LRBA: variants seen among roughly 807,000 people sequenced by gnomAD.
LRBA encodes the protein lipopolysaccharide-responsive and beige-like anchor protein.
A neutral mutation model predicts 330.0 loss-of-function variants in LRBA; 176 were observed. That is an observed-to-expected ratio of 0.53 (90% CI 0.47 to 0.60). The LOEUF (loss-of-function observed/expected upper bound fraction) is 0.60, where lower values mean the gene tolerates loss of function less well. Among genes scored for constraint, LRBA ranks in the 20% least tolerant of loss-of-function variants. The pLI is 0.00. For missense variants in LRBA, 3,259 were observed against 3,444.8 expected (o/e 0.95, Z 1.35); for synonymous variants, 1,230 against 1,193.0 (o/e 1.03, Z -0.64).
chr4:150,591,501 C>T (rs777139791), intron 38 of LRBA, among the ~76,000 whole-genome samples: 1 of 152,170 alleles, frequency 6.6e-6, no homozygotes, highest in Admixed American at 6.5e-5. Flanking sequence ...CTCACTCCTC[C>T]GCCCTTTTGT....
At chr4:150,978,276 A>G (rs978391147) in intron 2 of LRBA, among the ~76,000 whole-genome samples, 20 of 152,280 alleles carry the variant, frequency 1.3e-4, no homozygotes, top group African/African-American at 4.6e-4. Context: ...GAATTCTTCC[A>G]GATCTTATCC....
chr4:150,518,474 A>C (rs963685006), intron 40 of LRBA, among the ~76,000 whole-genome samples: 1 of 152,216 alleles, frequency 6.6e-6, no homozygotes, highest in Non-Finnish European at 1.5e-5. Flanking sequence ...CTGTATGGTC[A>C]TGTAGGATGA....
chr4:150,508,886 C>T (rs987820769), intron 40 of LRBA, among the ~76,000 whole-genome samples: 2 of 152,150 alleles, frequency 1.3e-5, no homozygotes, highest in Non-Finnish European at 2.9e-5. Flanking sequence ...ATTTATAGAA[C>T]AGTCCAACCC....
chr4:150,391,522 AGACAGAAAGAT>A (rs1230276653), intron 47 of LRBA, among the ~76,000 whole-genome samples: 1 of 152,206 alleles, frequency 6.6e-6, no homozygotes, highest in Non-Finnish European at 1.5e-5. Context: ...TCTTAGGGTG[AGACAGAAAGAT>A]GACTGGAGAA....
At chr4:150,291,884 T>C (rs1028920927) in intron 53 of LRBA, among the ~76,000 whole-genome samples, 4 of 152,178 alleles carry the variant, frequency 2.6e-5, no homozygotes, top group Non-Finnish European at 5.9e-5. Flanking sequence ...CATGGAATAC[T>C]ATGCAGCCAT....
chr4:150,684,039 G>T, intron 36 of LRBA: 1 of 201,924 alleles, frequency 5.0e-6, no homozygotes, highest in South Asian at 1.5e-4. Context: ...AAGGACTTGA[G>T]ACATAGTGAA....
intron 33 of LRBA, among the ~76,000 whole-genome samples, chr4:150,803,670 G>A (rs1329008108): frequency 6.6e-6 from 1 of 152,070 alleles, no homozygotes. Flanking sequence ...CTGTTTTACA[G>A]TACATGAAAC....
chr4:150,989,626 C>T (rs1357699003), intron 2 of LRBA, among the ~76,000 whole-genome samples: 1 of 151,818 alleles, frequency 6.6e-6, no homozygotes, highest in Non-Finnish European at 1.5e-5. Context: ...AAAAAGAACT[C>T]TATGAGATAG....
intron 37 of LRBA, among the ~76,000 whole-genome samples, chr4:150,659,112 A>G (rs1164104256): frequency 1.5e-4 from 21 of 136,564 alleles, no homozygotes; most frequent in Non-Finnish European, 2.9e-4. Flanking sequence ...CAAAGTGCCG[A>G]GATTGCAGCC....
chr4:150,929,136 C>T, intron 2 of LRBA, 71 bp from the exon 3 acceptor site: 1 of 924,280 alleles, frequency 1.1e-6, no homozygotes, highest in Non-Finnish European at 1.6e-6. Context: ...TGTTCCTAAA[C>T]ATTAGATTAA....
At chr4:150,313,051 T>C (rs1487485012) in intron 51 of LRBA, among the ~76,000 whole-genome samples, 1 of 152,056 alleles carries the variant, frequency 6.6e-6, no homozygotes, top group Non-Finnish European at 1.5e-5. Context: ...CTGAGCCTTA[T>C]GGTCATAGGA....
intron 17 of LRBA, among the ~76,000 whole-genome samples, chr4:150,880,312 G>C (rs1412302493): frequency 6.6e-6 from 1 of 152,122 alleles, no homozygotes; most frequent in African/African-American, 2.4e-5. Flanking sequence ...GTGAGCCCAG[G>C]AATTTGAGAC....
intron 47 of LRBA, among the ~76,000 whole-genome samples, chr4:150,376,420 T>TA (rs1741337298): frequency 1.3e-5 from 2 of 152,328 alleles, no homozygotes; most frequent in South Asian, 4.1e-4. Context: ...GATTTTGAAA[T>TA]AAGTTTAGAC....
intron 28 of LRBA, among the ~76,000 whole-genome samples, chr4:150,836,955 C>A (rs294531): frequency 6.6e-6 from 1 of 151,950 alleles, no homozygotes; most frequent in Non-Finnish European, 1.5e-5. Context: ...TCCCTCTACA[C>A]ACTGCTTTAA....
chr4:150,299,334 A>G (rs1729361018), intron 53 of LRBA, among the ~76,000 whole-genome samples: 1 of 152,122 alleles, frequency 6.6e-6, no homozygotes, highest in Admixed American at 6.5e-5. Context: ...TGCATTCCAC[A>G]GGAGATAATT....
intron 48 of LRBA, among the ~76,000 whole-genome samples, chr4:150,328,043 G>T (rs1733516515): frequency 6.6e-6 from 1 of 152,098 alleles, no homozygotes; most frequent in South Asian, 2.1e-4. Context: ...TAGTAACAAA[G>T]AGATGAATAT....
At chr4:150,663,086 T>A (rs1056617334) in intron 37 of LRBA, among the ~76,000 whole-genome samples, 8 of 152,232 alleles carry the variant, frequency 5.3e-5, no homozygotes, top group Non-Finnish European at 8.8e-5. Flanking sequence ...CAAATTATTC[T>A]GTTAAAATAC....
intron 54 of LRBA, among the ~76,000 whole-genome samples, chr4:150,283,667 C>G (rs1747823624): frequency 6.6e-6 from 1 of 152,216 alleles, no homozygotes; most frequent in Non-Finnish European, 1.5e-5. Context: ...TTGCTTTACA[C>G]AGTTCCAGCA....
chr4:150,919,415 T>C (rs376693517), intron 5 of LRBA, among the ~76,000 whole-genome samples: 1 of 152,234 alleles, frequency 6.6e-6, no homozygotes, highest in Non-Finnish European at 1.5e-5. Flanking sequence ...GTGTCTGTTT[T>C]ATTGTAACTT....
Sources: gnomAD v4.1 joint callset for allele counts (sites outside exome capture counted in the v4.1 genomes callset) on GRCh38, gnomAD v4.1.1 for gene constraint, MANE v1.5 for transcripts, NCBI Gene and HGNC (gene_info 2026-07-23, HGNC 2026-07-21) for gene names.